Variants in TMEM178B observed in about 807,000 individuals in gnomAD.
The protein encoded by TMEM178B is transmembrane protein 178B.
TMEM178B carries 5 observed loss-of-function variants against 31.0 expected under a neutral mutation model. That is an observed-to-expected ratio of 0.16 (90% CI 0.08 to 0.34). TMEM178B has a LOEUF of 0.34. TMEM178B is among the 10% of genes least tolerant of loss of function. The pLI, the probability that TMEM178B is intolerant of heterozygous loss-of-function variation, is 1.00. For synonymous variants in TMEM178B, 164 were observed against 164.0 expected, an observed-to-expected ratio of 1.00 and a Z score of 0.00; for missense variants, 275 against 400.3, an observed-to-expected ratio of 0.69 and a Z score of 2.67.
At chr7:141,109,642 G>A (rs995162156) in intron 1 of TMEM178B, among the ~76,000 whole-genome samples, 4 of 152,154 alleles carry the variant, frequency 2.6e-5, no homozygotes, top group East Asian at 3.8e-4. Flanking sequence ...TGTCTAGGAC[G>A]GAGGCTGGCA....
intron 1 of TMEM178B, among the ~76,000 whole-genome samples, chr7:141,128,585 A>G (rs1795543378): frequency 6.6e-6 from 1 of 152,012 alleles, no homozygotes; most frequent in Non-Finnish European, 1.5e-5. Flanking sequence ...TTGTTAATTC[A>G]TGCCAGGAAC....
chr7:141,154,731 C>CTT (rs377268150), intron 1 of TMEM178B, among the ~76,000 whole-genome samples: 13 of 141,250 alleles, frequency 9.2e-5, no homozygotes, highest in Non-Finnish European at 1.2e-4. Context: ...AACTTGTTAA[C>CTT]TTTTTTTTTT....
chr7:141,189,967 G>A (rs558277371), intron 1 of TMEM178B, among the ~76,000 whole-genome samples: 1 of 152,194 alleles, frequency 6.6e-6, no homozygotes, highest in Non-Finnish European at 1.5e-5. Flanking sequence ...AGCTGAAACA[G>A]ACCCATATTC....
chr7:141,188,001 A>G (rs201693696), intron 1 of TMEM178B, among the ~76,000 whole-genome samples: 2 of 152,186 alleles, frequency 1.3e-5, no homozygotes, highest in East Asian at 3.9e-4. Flanking sequence ...GGTGTTTTAG[A>G]CATGAAGTCC....
At chr7:141,168,638 C>T (rs866879037) in intron 1 of TMEM178B, among the ~76,000 whole-genome samples, 8 of 151,926 alleles carry the variant, frequency 5.3e-5, no homozygotes, top group African/African-American at 7.3e-5. Context: ...GGTGTGGTGG[C>T]GAGCACCTCT....
At chr7:141,431,686 G>A (rs947185650) in intron 2 of TMEM178B, among the ~76,000 whole-genome samples, 1 of 152,086 alleles carries the variant, frequency 6.6e-6, no homozygotes, top group Admixed American at 6.5e-5. Context: ...TTATTCTTAG[G>A]CCAGTCCCAC....
At chr7:141,336,908 A>G (rs1799404952) in intron 2 of TMEM178B, among the ~76,000 whole-genome samples, 1 of 131,074 alleles carries the variant, frequency 7.6e-6, no homozygotes, top group South Asian at 2.7e-4. Flanking sequence ...CACCACCATC[A>G]TCACCACCAC....
At position 141,416,941 on chromosome 7, in the gene TMEM178B, G is replaced by A. The variant is rs562672079; in HGVS notation, c.497-20667G>A. Among the ~76,000 whole-genome samples the A allele has an allele frequency of 3.9e-5, 6 of 152,336 alleles. 1 individual carries two copies. The South Asian group carries it at 6.2e-4, about 16-fold the overall frequency. The stretch of plus-strand genomic sequence containing the variant: ...AAAAATGTTTCCAGTCATGTGAGAC[G>A]CTTCAAGCATAGAAAGCAAACCATG... On this transcript the variant is annotated intron_variant, in intron 2 of 3. Coordinates refer to ENST00000565468, the MANE Select transcript of TMEM178B (RefSeq NM_001195278.2).
the TMEM178B span, among the ~76,000 whole-genome samples, chr7:141,500,152 A>G: frequency 6.6e-6 from 1 of 152,214 alleles, no homozygotes; most frequent in Admixed American, 6.5e-5. Flanking sequence ...TCTTGTTACT[A>G]TTTAACCAAA....
At chr7:141,399,625 G>C (rs1338787385) in intron 2 of TMEM178B, among the ~76,000 whole-genome samples, 1 of 152,152 alleles carries the variant, frequency 6.6e-6, no homozygotes, top group Non-Finnish European at 1.5e-5. Flanking sequence ...TGCAGAACAA[G>C]TCATTTCACA....
At chr7:141,142,358 A>G (rs1364683036) in intron 1 of TMEM178B, among the ~76,000 whole-genome samples, 1 of 142,176 alleles carries the variant, frequency 7.0e-6, no homozygotes, top group Non-Finnish European at 1.5e-5. Context: ...TGAGGAACAT[A>G]TAAGTACATG....
chr7:141,398,013 A>G (rs1392504828), intron 2 of TMEM178B, among the ~76,000 whole-genome samples: 1 of 152,098 alleles, frequency 6.6e-6, no homozygotes, highest in East Asian at 1.9e-4. Context: ...AGTCAAGTTC[A>G]TTTTCAGAGT....
chr7:141,139,897 C>G (rs1795743041), intron 1 of TMEM178B, among the ~76,000 whole-genome samples: 1 of 151,998 alleles, frequency 6.6e-6, no homozygotes, highest in African/African-American at 2.4e-5. Context: ...TCCCAAGTAG[C>G]TGGGATTACA....
intron 3 of TMEM178B, among the ~76,000 whole-genome samples, chr7:141,452,323 T>C (rs1229086947): frequency 6.6e-6 from 1 of 152,244 alleles, no homozygotes; most frequent in East Asian, 1.9e-4. Flanking sequence ...TTTATGTTTA[T>C]TGAGTACATG....
At chr7:141,337,822 A>G (rs1205333276) in intron 2 of TMEM178B, among the ~76,000 whole-genome samples, 1 of 152,210 alleles carries the variant, frequency 6.6e-6, no homozygotes, top group Non-Finnish European at 1.5e-5. Context: ...GAGATCCAGC[A>G]GATAGCATAA....
At chr7:141,379,315 A>AG (rs1800273016) in intron 2 of TMEM178B, among the ~76,000 whole-genome samples, 1 of 147,980 alleles carries the variant, frequency 6.8e-6, no homozygotes, top group Non-Finnish European at 1.5e-5. Flanking sequence ...AAAAAAAAAA[A>AG]AAAAATTAAA....
At chr7:141,095,509 TTC>T (rs1208406586) in intron 1 of TMEM178B, among the ~76,000 whole-genome samples, 1 of 152,252 alleles carries the variant, frequency 6.6e-6, no homozygotes, top group Non-Finnish European at 1.5e-5. Flanking sequence ...CTTATGATTT[TTC>T]TCTGTTACGT....
Position 141,290,998 on chromosome 7 carries a change from C to G in TMEM178B, c.496+78294C>G, listed in dbSNP as rs575630279. Among the ~76,000 whole-genome samples the G allele has an allele frequency of 4.6e-5, 7 of 152,300 alleles. No homozygotes were observed. In the East Asian group the frequency reaches 1.4e-3, roughly 29 times the overall value. ...CTCTTCCTTGATGTCAGAATTGTGT[C>G]AAGAAGAGCAGTTTCCCTAATTGCT... On this transcript the variant is annotated intron_variant, in intron 2 of 3. Transcript: ENST00000565468.
At chr7:141,117,148 G>A (rs1050725001) in intron 1 of TMEM178B, among the ~76,000 whole-genome samples, 4 of 152,126 alleles carry the variant, frequency 2.6e-5, no homozygotes, top group Non-Finnish European at 4.4e-5. Context: ...GAAAGCATTC[G>A]TATTTCTCCA....
Sources: allele counts gnomAD v4.1 joint callset (sites outside exome capture counted in the v4.1 genomes callset), GRCh38; gene constraint gnomAD v4.1.1; transcripts MANE v1.5; gene names NCBI Gene and HGNC (gene_info 2026-07-23, HGNC 2026-07-21).